The following NFASC variants were observed in gnomAD, a reference collection of about 807,000 sequenced individuals.
NFASC encodes the protein neurofascin.
NFASC carries 43 observed loss-of-function variants against 147.5 expected under a neutral mutation model. The ratio of observed to expected loss-of-function variants is 0.29; its 90% CI spans 0.23 to 0.38. The LOEUF (loss-of-function observed/expected upper bound fraction) is 0.38. NFASC is among the 10% of genes least tolerant of loss of function. The pLI is 1.00. For missense variants in NFASC, 1,320 were observed against 1,689.0 expected (o/e 0.78, Z 3.83); for synonymous variants, 622 against 665.5 (o/e 0.93, Z 1.01).
At chr1:204,980,634 C>G (rs1433029445) in intron 20 of NFASC, among the ~76,000 whole-genome samples, 194 bp downstream of exon 20, 1 of 152,152 alleles carries the variant, frequency 6.6e-6, no homozygotes, top group Non-Finnish European at 1.5e-5. Context: ...GGACAAATGT[C>G]TAAGTGTAAG....
intron 1 of NFASC, among the ~76,000 whole-genome samples, chr1:204,887,255 G>A (rs1040985105): frequency 1.3e-5 from 2 of 152,052 alleles, no homozygotes; most frequent in South Asian, 2.1e-4. Context: ...TACAGTATTC[G>A]TCCTTTTGTG....
chr1:204,896,680 TG>T (rs1282886265), intron 1 of NFASC, among the ~76,000 whole-genome samples: 9 of 152,330 alleles, frequency 5.9e-5, no homozygotes, highest in African/African-American at 1.7e-4. Flanking sequence ...TAGGCCATTG[TG>T]GGAACTATTT....
intron 1 of NFASC, among the ~76,000 whole-genome samples, chr1:204,890,363 C>T (rs2082136398): frequency 6.6e-6 from 1 of 152,122 alleles, no homozygotes; most frequent in South Asian, 2.1e-4. Flanking sequence ...ATGTGAAAAC[C>T]TAGGAAGCAA....
chr1:204,900,256 G>T (rs1254425309), intron 1 of NFASC, among the ~76,000 whole-genome samples: 2 of 152,134 alleles, frequency 1.3e-5, no homozygotes, highest in Non-Finnish European at 1.5e-5. Flanking sequence ...GGGCTGAGGG[G>T]GATAAAGGAT....
chr1:204,969,007 T>A, intron 10 of NFASC, 25 bp downstream of exon 10: 1 of 1,597,698 alleles, frequency 6.3e-7, no homozygotes. Context: ...TTTATCATTA[T>A]GATTATGTTG....
rs1167735979 is a variant in NFASC at position 205,016,301 on chromosome 1, T to C, written c.3492-7T>C. 1 of 1,599,542 alleles carries C rather than the reference T, an allele frequency of 6.3e-7. No homozygotes were observed. Among genetic ancestry groups the C allele is most frequent in the African/African-American group, 1.3e-5 (1 of 74,574 alleles). ...CCACCTGAGATTCTCTGTCTCTCTTTGGCCAGTGATGAGGACAACAAGCCC... is the reference window on the plus strand; with the variant it reads ...CCACCTGAGATTCTCTGTCTCTCTTCGGCCAGTGATGAGGACAACAAGCCC... On this transcript the variant is annotated splice_region_variant and splice_polypyrimidine_tract_variant and intron_variant, in intron 29 of 29. Coordinates refer to ENST00000339876, the MANE Select transcript of NFASC (RefSeq NM_001005388.3). The surrounding 1 kb of genome is among the most constrained non-coding windows in gnomAD (Gnocchi z 5.1).
intron 3 of NFASC, among the ~76,000 whole-genome samples, chr1:204,949,033 C>T (rs1203809726): frequency 1.3e-5 from 2 of 152,230 alleles, no homozygotes; most frequent in Non-Finnish European, 2.9e-5. Context: ...GTTCAGAAGC[C>T]ATAGATTTTT....
At chr1:204,860,992 G>GA (rs2076609605) in intron 1 of NFASC, among the ~76,000 whole-genome samples, 1 of 137,880 alleles carries the variant, frequency 7.3e-6, no homozygotes, top group Admixed American at 7.3e-5. Context: ...GGACCATTTG[G>GA]GTTTTTTTTT....
intron 2 of NFASC, among the ~76,000 whole-genome samples, chr1:204,930,968 T>C (rs2092317109): frequency 6.6e-6 from 1 of 152,116 alleles, no homozygotes. Context: ...ATTTTATCCC[T>C]CAGATTCCTG....
In NFASC at chr1:204,974,809, G is replaced by A. The variant is rs760519127; in HGVS notation, c.1544G>A (p.Arg515His). Residue 515 changes from arginine to histidine, a missense_variant, in exon 14 of 30, where the codon CGC (arginine) becomes CAC (histidine). Coordinates refer to ENST00000339876, the MANE Select transcript of NFASC (RefSeq NM_001005388.3). Reference sequence around the variant, plus strand: ...CTGGGCAAAGCTGAAAACCAAGTCCGCCTGGAGGTCAAAGGTAAAGGAGAG... The same window carrying A: ...CTGGGCAAAGCTGAAAACCAAGTCCACCTGGAGGTCAAAGGTAAAGGAGAG... ...NILGKAENQV[R>H]LEVKDPTRIY... The A allele has an allele frequency of 1.3e-5, 21 of 1,613,974 alleles. No homozygotes were observed. The highest frequency in any genetic ancestry group is 1.6e-4 in the Middle Eastern group (1 of 6,084).
chr1:204,945,253 T>C (rs1307901636), intron 3 of NFASC, among the ~76,000 whole-genome samples: 1 of 152,206 alleles, frequency 6.6e-6, no homozygotes, highest in Non-Finnish European at 1.5e-5. Flanking sequence ...TGTCTTAGCA[T>C]CCCCAGGCTA....
At chr1:204,869,206 G>A (rs2077369597) in intron 1 of NFASC, among the ~76,000 whole-genome samples, 1 of 152,192 alleles carries the variant, frequency 6.6e-6, no homozygotes, top group South Asian at 2.1e-4. Context: ...ATAGTGGGAT[G>A]TGGTGGTTGA....
rs755628058 is a variant in NFASC at position 204,962,069 on chromosome 1, G to A, written c.706+4243G>A. ...CCGTTTATGCCTCTGTGACTTCTCC[G>A]TGGCCTCCTGTTTGCTCACCCTCTT... On this transcript the variant is annotated intron_variant, in intron 8 of 29. Transcript: ENST00000339876. 3.0e-5 allele frequency: 47 copies of A among 1,553,816 alleles called. 1 individual carries two copies. In the South Asian group the frequency reaches 3.2e-4, roughly 11 times the overall value.
chr1:204,915,538 C>T (rs1486209398), intron 1 of NFASC, among the ~76,000 whole-genome samples: 2 of 151,948 alleles, frequency 1.3e-5, no homozygotes, highest in African/African-American at 4.8e-5. Flanking sequence ...TTTGAGAGGA[C>T]GATGTTCTAG....
At position 204,987,882 on chromosome 1, in the gene NFASC, C is replaced by A. The variant is rs2095648260; in HGVS notation, c.2593+342C>A. ...AGAGTTCCTCAAGCTCTGGAGCTTC[C>A]ACCTGATGGGGTAGATAGTATACTC... On this transcript the variant is annotated intron_variant, in intron 22 of 29. Transcript: ENST00000339876. This position sits in a 1 kb window ranked among gnomAD's most constrained non-coding sequence, Gnocchi z 4.4. Among the ~76,000 whole-genome samples the A allele has an allele frequency of 6.6e-6, 1 of 151,386 alleles. No individual in the cohort carries two copies. The highest frequency in any genetic ancestry group is 6.6e-5 in the Admixed American group (1 of 15,208).
chr1:204,981,719 A>G, intron 20 of NFASC, 79 bp from the exon 21 acceptor site: 1 of 923,710 alleles, frequency 1.1e-6, no homozygotes, highest in Non-Finnish European at 1.6e-6. Context: ...GATGCCTGGC[A>G]CAGCAAGAGA....
chr1:204,976,206 C>G (rs529731383), intron 15 of NFASC, among the ~76,000 whole-genome samples: 1 of 147,844 alleles, frequency 6.8e-6, no homozygotes, highest in Non-Finnish European at 1.5e-5. Flanking sequence ...GTGGCCTCCC[C>G]TCTCTATAGG....
chr1:204,851,978 A>G (rs2075735871), intron 1 of NFASC, among the ~76,000 whole-genome samples: 1 of 152,218 alleles, frequency 6.6e-6, no homozygotes, highest in South Asian at 2.1e-4. Context: ...AGGTGAGTAT[A>G]GTAGTTTTCT....
At chr1:204,836,244 G>A (rs529120923) in intron 1 of NFASC, among the ~76,000 whole-genome samples, 9 of 152,118 alleles carry the variant, frequency 5.9e-5, no homozygotes, top group Non-Finnish European at 1.0e-4. Context: ...TTATTTGCAG[G>A]GTAAAAGTCA....
Sources: allele counts gnomAD v4.1 joint callset (sites outside exome capture counted in the v4.1 genomes callset), GRCh38; gene constraint gnomAD v4.1.1; non-coding constraint Gnocchi (gnomAD v3.1); transcripts MANE v1.5; gene names NCBI Gene and HGNC (gene_info 2026-07-23, HGNC 2026-07-21).